ANKRD36B: variants seen among roughly 807,000 people sequenced by gnomAD.
The protein encoded by ANKRD36B is ankyrin repeat domain-containing protein 36B.
A neutral mutation model predicts 135.7 loss-of-function variants in ANKRD36B; 37 were observed. The ratio of observed to expected loss-of-function variants is 0.27; its 90% CI spans 0.21 to 0.36. ANKRD36B has a LOEUF of 0.36. ANKRD36B is among the 10% of genes least tolerant of loss of function. ANKRD36B has a pLI of 1.00. For synonymous variants in ANKRD36B, 179 were observed against 348.1 expected, an observed-to-expected ratio of 0.51 and a Z score of 5.41; for missense variants, 549 against 1,037.1, an observed-to-expected ratio of 0.53 and a Z score of 6.46.
At chr2:97,549,747 G>A in intron 18 of ANKRD36B, 133 bp from the exon 19 acceptor site, 1 of 1,505,874 alleles carries the variant, frequency 6.6e-7, no homozygotes. Context: ...TCTACTTTGT[G>A]TCTGCGGACT....
chr2:97,551,028 T>G (rs550127933), intron 18 of ANKRD36B, among the ~76,000 whole-genome samples: 171 of 151,818 alleles, frequency 1.1e-3, no homozygotes, highest in Middle Eastern at 0.01. Context: ...AATTATGCTG[T>G]GCCCCAGAGC....
At chr2:97,553,465 G>C in intron 14 of ANKRD36B, 94 bp from the exon 15 acceptor site, 2 of 1,401,704 alleles carry the variant, frequency 1.4e-6, no homozygotes, top group Non-Finnish European at 2.0e-6. Context: ...GTATCCGCCT[G>C]CCTGTATTAG....
rs2078885740 is a variant in ANKRD36B at position 97,536,286 on chromosome 2, A to G, written c.2191+14T>C. On this transcript the variant is annotated intron_variant, in intron 34 of 43. Transcript: ENST00000359901. ...TACTTCTTTCCAGAGTTAAATCTAC[A>G]ATGCAAAGTTTACCTGGTGTGGATG... 1.1e-6 allele frequency: 1 copy of G among 903,806 alleles called. No individual in the cohort carries two copies. The highest frequency in any genetic ancestry group is 2.7e-5 in the East Asian group (1 of 37,578). The allele number at this position is 903,806 out of a possible 1,614,324, so 56.0% of individuals were successfully genotyped here. A position where few individuals can be genotyped will look rare whatever the true frequency, so the allele number is the denominator to read the frequency against.
At chr2:97,559,664 G>A (rs2080848866) in intron 8 of ANKRD36B, among the ~76,000 whole-genome samples, 1 of 151,822 alleles carries the variant, frequency 6.6e-6, no homozygotes, top group Non-Finnish European at 1.5e-5. Flanking sequence ...TAATGTATTA[G>A]CCTCAATAAA....
At chr2:97,573,270 T>A (rs2082006948) in intron 6 of ANKRD36B, among the ~76,000 whole-genome samples, 1 of 152,188 alleles carries the variant, frequency 6.6e-6, no homozygotes, top group Non-Finnish European at 1.5e-5. Flanking sequence ...TGCATAGTAT[T>A]CCATGGTGTA....
rs547385536 is a variant in ANKRD36B at position 97,534,715 on chromosome 2, C to T, written c.2191+1585G>A. ...GAGGATGTGGAGAAAGCAGAACCCT[C>T]GTACACCATTGGTGGCATTGTGAAT... is the stretch of plus-strand genomic sequence containing the variant. On this transcript the variant is annotated intron_variant, in intron 34 of 43. Transcript: ENST00000359901. Among the ~76,000 whole-genome samples, 3 of 96,952 alleles carry T rather than the reference C, an allele frequency of 3.1e-5. 1 individual carries two copies. The highest frequency in any genetic ancestry group is 4.6e-4 in the East Asian group (2 of 4,338). 63.6% of individuals were successfully genotyped at this position (96,952 alleles called of 152,430 possible).
intron 6 of ANKRD36B, among the ~76,000 whole-genome samples, chr2:97,575,745 G>C (rs1484394795): frequency 1.3e-5 from 2 of 151,754 alleles, no homozygotes; most frequent in African/African-American, 4.8e-5. Context: ...ATTTTAAAAT[G>C]AGTAAATGGA....
Position 97,529,959 on chromosome 2 carries a change from C to T in ANKRD36B, c.2265+2352G>A, listed in dbSNP as rs564965384. 5.6e-4 allele frequency among the ~76,000 whole-genome samples: 54 copies of T among 96,032 alleles called. 20 individuals are homozygous for T. The highest frequency in any genetic ancestry group is 1.4e-3 in the African/African-American group (46 of 31,930). 63.0% of individuals were successfully genotyped at this position (96,032 alleles called of 152,430 possible). A position where few individuals can be genotyped will look rare whatever the true frequency, so the allele number is the denominator to read the frequency against. ...GCTCATGGGTAGGAAGAATCAGTAT[C>T]GTTAAAATGGCCATACTGCCCGAGG... is the stretch of plus-strand genomic sequence containing the variant. On this transcript the variant is annotated intron_variant, in intron 35 of 43. Coordinates refer to ENST00000359901, the MANE Select transcript of ANKRD36B (RefSeq NM_001393939.1).
intron 20 of ANKRD36B, among the ~76,000 whole-genome samples, chr2:97,547,932 T>A (rs923963328): frequency 1.8e-4 from 28 of 151,768 alleles, no homozygotes; most frequent in African/African-American, 6.0e-4. Flanking sequence ...AAAATACTCT[T>A]ATAATTTCAA....
intron 22 of ANKRD36B, among the ~76,000 whole-genome samples, chr2:97,546,580 T>C (rs779350863): frequency 6.6e-6 from 1 of 151,738 alleles, no homozygotes; most frequent in East Asian, 1.9e-4. Context: ...CTATGACATA[T>C]TTCTTCAAAG....
At position 97,513,294 on chromosome 2, in the gene ANKRD36B, C is replaced by CT. The variant is rs367988895; in HGVS notation, c.2690dup (p.Leu898ValfsTer9). 5.7e-6 allele frequency: 9 copies of CT among 1,567,750 alleles called. No homozygotes were observed. The African/African-American group carries it at 1.7e-4, about 29-fold the overall frequency. ...TATATTGCTCTTCTGTTATTCTTAA[C>CT]TTTTCCCTAACTTTTTGGTGCAACT... On this transcript the variant is annotated frameshift_variant, in exon 38 of 44. Coordinates refer to ENST00000359901, the MANE Select transcript of ANKRD36B (RefSeq NM_001393939.1). LOFTEE classifies it high-confidence loss of function.
chr2:97,527,794 A>G lies in ANKRD36B; in HGVS notation c.2266-4327T>C, dbSNP rs1302311654. 2.1e-5 allele frequency among the ~76,000 whole-genome samples: 2 copies of G among 96,558 alleles called. 1 individual carries two copies. The highest frequency in any genetic ancestry group is 5.5e-5 in the Non-Finnish European group (2 of 36,314). 63.3% of individuals were successfully genotyped at this position (96,558 alleles called of 152,430 possible). On this transcript the variant is annotated intron_variant, in intron 35 of 43. Coordinates refer to ENST00000359901, the MANE Select transcript of ANKRD36B (RefSeq NM_001393939.1). Reference sequence around the variant, plus strand: ...ACAGACTTTAAACCAACAAAGATCAAAGAGACAAAGAAGGCCATTACATAA... The same window carrying G: ...ACAGACTTTAAACCAACAAAGATCAGAGAGACAAAGAAGGCCATTACATAA...
intron 43 of ANKRD36B, among the ~76,000 whole-genome samples, chr2:97,494,066 T>C (rs1462369156): frequency 4.7e-5 from 5 of 107,094 alleles, no homozygotes; most frequent in Non-Finnish European, 1.3e-4. Context: ...TCCTGTCTTC[T>C]TTGCCTATTA....
Position 97,547,351 on chromosome 2 carries a change from A to C in ANKRD36B, c.1579+185T>G, listed in dbSNP as rs1171601666. ...TCAATGTGGGGAAGTGTATAACCTTACTGCGAAGATCATGTTCCAGACCAG... is the reference window on the plus strand; with the variant it reads ...TCAATGTGGGGAAGTGTATAACCTTCCTGCGAAGATCATGTTCCAGACCAG... On this transcript the variant is annotated intron_variant, in intron 22 of 43. Coordinates refer to ENST00000359901, the MANE Select transcript of ANKRD36B (RefSeq NM_001393939.1). 15 of 705,320 alleles carry C rather than the reference A, an allele frequency of 2.1e-5. No individual in the cohort carries two copies. In the Admixed American group the frequency reaches 4.7e-4, roughly 22 times the overall value. The allele number at this position is 705,320 out of a possible 1,614,324, so 43.7% of individuals were successfully genotyped here. A position where few individuals can be genotyped will look rare whatever the true frequency, so the allele number is the denominator to read the frequency against.
intron 4 of ANKRD36B, among the ~76,000 whole-genome samples, chr2:97,579,756 A>T: frequency 6.6e-6 from 1 of 151,486 alleles, no homozygotes; most frequent in East Asian, 1.9e-4. Flanking sequence ...TTATATGCAC[A>T]TACTTATATG....
chr2:97,530,096 C>A lies in ANKRD36B; in HGVS notation c.2265+2215G>T, dbSNP rs1276226130. Among the ~76,000 whole-genome samples, 22 of 95,800 alleles carry A rather than the reference C, an allele frequency of 2.3e-4. 5 individuals carry two copies. The highest frequency in any genetic ancestry group is 5.3e-4 in the African/African-American group (17 of 31,930). The allele number at this position is 95,800 out of a possible 152,430, so 62.8% of individuals were successfully genotyped here. A position where few individuals can be genotyped will look rare whatever the true frequency, so the allele number is the denominator to read the frequency against. On this transcript the variant is annotated intron_variant, in intron 35 of 43. Transcript: ENST00000359901. ...AACCAAAAAAGAGCCCGCATCACCA[C>A]ATCAATCCTAAGCCAAAAGAACAAA...
At chr2:97,551,858 G>T (rs2080099650) in intron 16 of ANKRD36B, among the ~76,000 whole-genome samples, 1 of 151,920 alleles carries the variant, frequency 6.6e-6, no homozygotes, top group African/African-American at 2.4e-5. Flanking sequence ...TGTCTTTCAT[G>T]CAACAAATCA....
rs1267204881 is a variant in ANKRD36B at position 97,570,733 on chromosome 2, T to G, written c.763+5646A>C. On this transcript the variant is annotated intron_variant, in intron 6 of 43. Coordinates refer to ENST00000359901, the MANE Select transcript of ANKRD36B (RefSeq NM_001393939.1). Reference sequence around the variant, plus strand: ...TCCCCAAGACTTGCCACATGCCCCTTTGCCCTGAGCCAATTTTACTTTGTA... The same window carrying G: ...TCCCCAAGACTTGCCACATGCCCCTGTGCCCTGAGCCAATTTTACTTTGTA... Among the ~76,000 whole-genome samples, 3 of 152,196 alleles carry G rather than the reference T, an allele frequency of 2.0e-5. No individual in the cohort carries two copies. The East Asian group carries it at 5.8e-4, about 29-fold the overall frequency.
intron 12 of ANKRD36B, among the ~76,000 whole-genome samples, chr2:97,556,634 A>C (rs2104725487): frequency 6.6e-6 from 1 of 151,910 alleles, no homozygotes; most frequent in South Asian, 2.1e-4. Flanking sequence ...TCCCCTCTCC[A>C]TAGAAACATG....
Sources: allele counts gnomAD v4.1 joint callset (sites outside exome capture counted in the v4.1 genomes callset), GRCh38; gene constraint gnomAD v4.1.1; transcripts MANE v1.5; gene names NCBI Gene and HGNC (gene_info 2026-07-23, HGNC 2026-07-21).